The following NALCN variants were observed in gnomAD, a reference collection of about 807,000 sequenced individuals.
The protein encoded by NALCN is sodium leak channel, non-selective.
In NALCN, 111 loss-of-function variants were observed where a neutral mutation model predicts 225.3. The ratio of observed to expected loss-of-function variants is 0.49; its 90% CI spans 0.42 to 0.58. The LOEUF (loss-of-function observed/expected upper bound fraction) is 0.58, where lower values mean the gene tolerates loss of function less well. Among genes scored for constraint, NALCN ranks in the 20% least tolerant of loss-of-function variants. NALCN has a pLI of 0.00. For missense variants in NALCN, 1,378 were observed against 2,202.4 expected (o/e 0.63, Z 7.49); for synonymous variants, 764 against 769.0 (o/e 0.99, Z 0.11).
intron 13 of NALCN, among the ~76,000 whole-genome samples, chr13:101,203,787 C>A (rs1467818806): frequency 6.6e-6 from 1 of 151,976 alleles, no homozygotes; most frequent in Non-Finnish European, 1.5e-5. Flanking sequence ...GTTTTTTTTA[C>A]AATATACTTT....
intron 7 of NALCN, among the ~76,000 whole-genome samples, chr13:101,307,776 T>C (rs2044202446): frequency 6.6e-6 from 1 of 152,182 alleles, no homozygotes; most frequent in Non-Finnish European, 1.5e-5. Flanking sequence ...TTCTCTGCCT[T>C]CTCTGCACTC....
intron 13 of NALCN, among the ~76,000 whole-genome samples, chr13:101,216,624 TTAAAA>T (rs1244574973): frequency 6.6e-6 from 1 of 152,148 alleles, no homozygotes; most frequent in African/African-American, 2.4e-5. Flanking sequence ...GTTTTAAATA[TTAAAA>T]TAAACCTTGA....
chr13:101,141,578 G>A (rs2037078766), intron 17 of NALCN, among the ~76,000 whole-genome samples: 1 of 152,024 alleles, frequency 6.6e-6, no homozygotes, highest in Non-Finnish European at 1.5e-5. Flanking sequence ...GGGAGCTGGG[G>A]GAGAGGTAAA....
At chr13:101,110,542 G>T in intron 20 of NALCN, 77 bp downstream of exon 20, 1 of 1,466,880 alleles carries the variant, frequency 6.8e-7, no homozygotes, top group Non-Finnish European at 9.5e-7. Flanking sequence ...GAAAGACACT[G>T]GGCATTGTCT....
At chr13:101,078,797 G>T (rs1319844711) in intron 34 of NALCN, among the ~76,000 whole-genome samples, 3 of 152,092 alleles carry the variant, frequency 2.0e-5, no homozygotes, top group African/African-American at 7.2e-5. Context: ...CATGAGATTT[G>T]GGAGGGGTCC....
intron 18 of NALCN, among the ~76,000 whole-genome samples, chr13:101,111,923 T>C (rs1329121044): frequency 6.6e-6 from 1 of 152,130 alleles, no homozygotes; most frequent in Non-Finnish European, 1.5e-5. Context: ...ATGATGTCGG[T>C]TTTGAATTTA....
At chr13:101,202,906 C>T (rs2040178643) in intron 13 of NALCN, among the ~76,000 whole-genome samples, 1 of 152,168 alleles carries the variant, frequency 6.6e-6, no homozygotes, top group Admixed American at 6.6e-5. Context: ...GCTCTGTAAG[C>T]CAGCAGATCA....
intron 17 of NALCN, among the ~76,000 whole-genome samples, chr13:101,138,379 T>C (rs1487198197): frequency 2.0e-5 from 3 of 152,248 alleles, no homozygotes; most frequent in Non-Finnish European, 2.9e-5. Context: ...TAGCTGTTCA[T>C]TGTGAAGGCT....
intron 13 of NALCN, among the ~76,000 whole-genome samples, chr13:101,226,433 T>C (rs2041144406): frequency 6.6e-6 from 1 of 152,220 alleles, no homozygotes; most frequent in Non-Finnish European, 1.5e-5. Context: ...AATAAATCTG[T>C]CTTTTACTGT....
chr13:101,388,451 T>C (rs968418315), intron 3 of NALCN, among the ~76,000 whole-genome samples: 3 of 152,128 alleles, frequency 2.0e-5, no homozygotes, highest in African/African-American at 7.2e-5. Flanking sequence ...TTGTAGTAAA[T>C]AGCTCATCAC....
intron 6 of NALCN, among the ~76,000 whole-genome samples, chr13:101,357,185 A>G (rs1718460611): frequency 6.6e-6 from 1 of 152,220 alleles, no homozygotes; most frequent in South Asian, 2.1e-4. Flanking sequence ...TGTTCTGGCC[A>G]GAGCAATCAG....
chr13:101,410,390 AAG>A (rs1479849183), intron 1 of NALCN, among the ~76,000 whole-genome samples: 11 of 152,244 alleles, frequency 7.2e-5, no homozygotes, highest in African/African-American at 2.2e-4. Context: ...GGAAAAGAAT[AAG>A]AGAGTCTAAT....
At chr13:101,150,047 T>C (rs79491677) in intron 15 of NALCN, among the ~76,000 whole-genome samples, 1,717 of 151,364 alleles carry the variant, frequency 0.011, 4 homozygotes, top group Non-Finnish European at 0.018. Flanking sequence ...TACATTTGGG[T>C]TTATTTAAAT....
chr13:101,150,039 C>T (rs1025684375), intron 15 of NALCN, among the ~76,000 whole-genome samples: 3 of 151,992 alleles, frequency 2.0e-5, no homozygotes, highest in Admixed American at 6.6e-5. Context: ...TGGGAAAATA[C>T]ATTTGGGTTT....
At chr13:101,338,957 T>C (rs1566592447) in intron 7 of NALCN, among the ~76,000 whole-genome samples, 1 of 152,174 alleles carries the variant, frequency 6.6e-6, no homozygotes, top group Non-Finnish European at 1.5e-5. Context: ...TCCCCACCTG[T>C]GTGGGTAAAA....
In NALCN at chr13:101,395,478, G is replaced by A. The variant is rs11617679; in HGVS notation, c.109-113C>T. On this transcript the variant is annotated intron_variant, in intron 2 of 43. Coordinates refer to ENST00000251127, the MANE Select transcript of NALCN (RefSeq NM_052867.4). ...ACTGAGGTTAAAATAGTTTACTAAT[G>A]TGGAGGTGAAGAAGAAGAAATCTAA... 0.18 allele frequency: 178,013 copies of A among 965,536 alleles called. 20,626 individuals carry two copies. Among genetic ancestry groups the A allele is most frequent in the East Asian group, 0.41 (14,912 of 36,812 alleles). 59.8% of individuals were successfully genotyped at this position (965,536 alleles called of 1,614,324 possible).
intron 1 of NALCN, among the ~76,000 whole-genome samples, chr13:101,412,618 A>T (rs1426579428): frequency 6.6e-6 from 1 of 152,168 alleles, no homozygotes; most frequent in Non-Finnish European, 1.5e-5. Context: ...GGGCTCTTCC[A>T]GGGTCTCTCT....
At chr13:101,131,088 AG>A (rs1197677375) in intron 17 of NALCN, among the ~76,000 whole-genome samples, 6 of 151,880 alleles carry the variant, frequency 4.0e-5, no homozygotes, top group African/African-American at 1.5e-4. Context: ...GAATCATCTG[AG>A]GTCTCTTTAT....
At chr13:101,060,435 T>C (rs1329855300) in intron 41 of NALCN, among the ~76,000 whole-genome samples, 3 of 146,318 alleles carry the variant, frequency 2.1e-5, no homozygotes, top group Non-Finnish European at 4.5e-5. Context: ...TGCATGACTG[T>C]GGCTGGCTAA....
Sources: gnomAD v4.1 joint callset for allele counts (sites outside exome capture counted in the v4.1 genomes callset) on GRCh38, gnomAD v4.1.1 for gene constraint, MANE v1.5 for transcripts, NCBI Gene and HGNC (gene_info 2026-07-23, HGNC 2026-07-21) for gene names.